Variants in CCT5 observed in about 807,000 individuals in gnomAD.
CCT5 encodes the protein T-complex protein 1 subunit epsilon.
Under a neutral mutation model 55.0 loss-of-function variants are expected in CCT5, and 6 were observed. That is an observed-to-expected ratio of 0.11 (90% CI 0.06 to 0.22). The LOEUF (loss-of-function observed/expected upper bound fraction) is 0.22. CCT5 is among the 10% of genes least tolerant of loss of function. The probability of loss-of-function intolerance (pLI) is 1.00; values close to 1 mark genes in which losing one functional copy is unlikely to be tolerated. For missense variants in CCT5, 560 were observed against 694.6 expected (o/e 0.81, Z 2.18); for synonymous variants, 231 against 243.7 (o/e 0.95, Z 0.49).
chr5:10,249,930 AAAAAC>A (rs201471332), upstream of CCT5: 24,075 of 749,600 alleles, frequency 0.032, 3,050 homozygotes, highest in East Asian at 0.055. Flanking sequence ...AAAAAAAAAA[AAAAAC>A]CGGAAATGGG....
intron 8 of CCT5, chr5:10,262,266 C>T (rs1579456946): frequency 5.3e-6 from 3 of 568,398 alleles, no homozygotes; most frequent in South Asian, 3.9e-5. Flanking sequence ...CTTGCTTGAC[C>T]GTGTATCCTA....
At chr5:10,257,299 C>T (rs1320241596) in intron 4 of CCT5, among the ~76,000 whole-genome samples, 1 of 152,164 alleles carries the variant, frequency 6.6e-6, no homozygotes, top group African/African-American at 2.4e-5. Flanking sequence ...AGAGTGAGTA[C>T]CCTAGGGGTA....
chr5:10,260,684 T>G (rs1053276190), intron 6 of CCT5, 108 bp from the exon 7 acceptor site: 176 of 1,174,140 alleles, frequency 1.5e-4, no homozygotes, highest in Admixed American at 6.8e-5. Context: ...CTTTTGTGTT[T>G]GAGTGCACCT....
chr5:10,262,733 G>A, intron 9 of CCT5, 115 bp downstream of exon 9: 1 of 1,105,148 alleles, frequency 9.0e-7, no homozygotes, highest in Non-Finnish European at 1.4e-6. Context: ...GCTGTGTGTA[G>A]GTGACAGGTG....
rs2607286 is a variant in CCT5, at chr5:10,265,350, G to A, written c.*567G>A. 0.74 allele frequency: 118,838 copies of A among 160,038 alleles called. 46,376 individuals carry two copies. Among genetic ancestry groups the A allele is most frequent in the East Asian group, 0.87 (4,751 of 5,476 alleles). The allele number at this position is 160,038 out of a possible 1,614,324, so 9.9% of individuals were successfully genotyped here. ...TGAGCCTTTGCTTTCCTCTGGCCCC[G>A]GCCCCACCCTGAACACAGCTCATAC... is the stretch of plus-strand genomic sequence containing the variant. On this transcript the variant is annotated 3_prime_UTR_variant, in exon 11 of 11. Coordinates refer to ENST00000280326, the MANE Select transcript of CCT5 (RefSeq NM_012073.5).
At chr5:10,253,194 A>G (rs1055952327) in intron 1 of CCT5, among the ~76,000 whole-genome samples, 5 of 152,082 alleles carry the variant, frequency 3.3e-5, no homozygotes, top group African/African-American at 1.2e-4. Context: ...GCAGGGCGTC[A>G]TGGCGCGTGC....
chr5:10,256,253 C>T lies in CCT5; in HGVS notation c.530+100C>T, dbSNP rs2578614. The T allele has an allele frequency of 0.81, 793,793 of 974,750 alleles. 329,153 individuals carry two copies. The highest frequency in any genetic ancestry group is 0.89 in the East Asian group (34,240 of 38,468). 60.4% of individuals were successfully genotyped at this position (974,750 alleles called of 1,614,324 possible). A position where few individuals can be genotyped will look rare whatever the true frequency, so the allele number is the denominator to read the frequency against. On this transcript the variant is annotated intron_variant, in intron 4 of 10. Transcript: ENST00000280326. ...AAAATGACCACTGGTGGATTTGTATCGATTTGATTATTTGTTTTGATTACT... is the reference window on the plus strand; with the variant it reads ...AAAATGACCACTGGTGGATTTGTATTGATTTGATTATTTGTTTTGATTACT...
rs751264848 is a variant in CCT5 at position 10,250,308 on chromosome 5, C to T, written c.-33C>T. The T allele has an allele frequency of 3.1e-6, 5 of 1,613,600 alleles. No individual in the cohort carries two copies. Among genetic ancestry groups the T allele is most frequent in the East Asian group, 2.2e-5 (1 of 44,892 alleles). On this transcript the variant is annotated 5_prime_UTR_variant, in exon 1 of 11. Transcript: ENST00000280326. The stretch of plus-strand genomic sequence containing the variant: ...TTCTCGCTTCCGTAGCGGTCTCCGC[C>T]GGTTGGGGGGAAGTAATTCCGGTTG...
Position 10,266,274 on chromosome 5 carries a change from C to T in CCT5, c.*1491C>T, listed in dbSNP as rs1746230720. 6.6e-6 allele frequency: 1 copy of T among 152,190 alleles called. No homozygotes were observed. The allele number at this position is 152,190 out of a possible 1,614,324, so 9.4% of individuals were successfully genotyped here. Reference sequence around the variant, plus strand: ...TCCCCCTTTCCAAAATTGAACCTCACAGACGTTCCTGTTTTTTGTGATTGA... The same window carrying T: ...TCCCCCTTTCCAAAATTGAACCTCATAGACGTTCCTGTTTTTTGTGATTGA... On this transcript the variant is annotated 3_prime_UTR_variant, in exon 11 of 11. Coordinates refer to ENST00000280326, the MANE Select transcript of CCT5 (RefSeq NM_012073.5).
At chr5:10,259,788 C>T (rs762447126) in intron 6 of CCT5, among the ~76,000 whole-genome samples, 2 of 152,198 alleles carry the variant, frequency 1.3e-5, no homozygotes, top group Non-Finnish European at 2.9e-5. Context: ...CTCAGCTGTG[C>T]TGGGGGGCCA....
At chr5:10,262,437 C>G in intron 8 of CCT5, 44 bp from the exon 9 acceptor site, 1 of 1,611,338 alleles carries the variant, frequency 6.2e-7, no homozygotes, top group South Asian at 1.1e-5. Flanking sequence ...TCTAAATTGA[C>G]TAGATCTTGA....
chr5:10,261,378 C>T (rs1391449697), intron 7 of CCT5, among the ~76,000 whole-genome samples, 182 bp from the exon 8 acceptor site: 1 of 152,170 alleles, frequency 6.6e-6, no homozygotes, highest in Non-Finnish European at 1.5e-5. Context: ...AGACGTCCAG[C>T]TCAAGAGCCT....
At chr5:10,259,016 G>T (rs996887136) in intron 6 of CCT5, among the ~76,000 whole-genome samples, 4 of 152,104 alleles carry the variant, frequency 2.6e-5, no homozygotes, top group Admixed American at 6.6e-5. Flanking sequence ...GTGTGTTCAG[G>T]GTCCTGAAAG....
chr5:10,264,798 C>T lies in CCT5; in HGVS notation c.*15C>T, dbSNP rs1194606753. 4.3e-6 allele frequency: 7 copies of T among 1,611,376 alleles called. No homozygotes were observed. Among genetic ancestry groups the T allele is most frequent in the Non-Finnish European group, 8.5e-7 (1 of 1,177,578 alleles). On this transcript the variant is annotated 3_prime_UTR_variant, in exon 11 of 11. Transcript: ENST00000280326. ...CTGAAGAATGAAGACATTGAGAAAA[C>T]TATGTAGCAAGATCCACTTCTGTGA...
chr5:10,253,673 C>T (rs1051217479), intron 1 of CCT5, among the ~76,000 whole-genome samples: 58 of 152,198 alleles, frequency 3.8e-4, no homozygotes, highest in African/African-American at 1.4e-3. Flanking sequence ...CGCAGATGTA[C>T]AAGCCTAGAT....
rs1745335666 is a variant in CCT5, at chr5:10,250,593, G to T, written c.105+148G>T. The stretch of plus-strand genomic sequence containing the variant: ...TCTCCCTGCGGTCTCCGGCCGCTCA[G>T]CCCGCTTACTGAGCTCGGGAGACGC... On this transcript the variant is annotated intron_variant, in intron 1 of 10. Transcript: ENST00000280326. 1.0e-5 allele frequency: 15 copies of T among 1,476,032 alleles called. 1 individual carries two copies. The South Asian group carries it at 1.9e-4, about 18-fold the overall frequency. The allele number at this position is 1,476,032 out of a possible 1,614,324, so 91.4% of individuals were successfully genotyped here.
intron 4 of CCT5, among the ~76,000 whole-genome samples, chr5:10,257,320 A>G (rs1462532395): frequency 1.3e-5 from 2 of 152,230 alleles, no homozygotes; most frequent in Non-Finnish European, 2.9e-5. Flanking sequence ...GCCTCTTGTC[A>G]CAAGTATAAC....
upstream of CCT5, chr5:10,249,925 A>AAC (rs1745267149): frequency 3.9e-6 from 4 of 1,027,750 alleles, no homozygotes; most frequent in Non-Finnish European, 3.7e-6. Context: ...AAAAAAAAAA[A>AAC]AAAAAAAAAC....
At chr5:10,257,200 A>C (rs1037654459) in intron 4 of CCT5, among the ~76,000 whole-genome samples, 4 of 152,208 alleles carry the variant, frequency 2.6e-5, no homozygotes, top group African/African-American at 9.6e-5. Flanking sequence ...TTTTCCCCTG[A>C]GCAAAGCCTA....
Sources: allele counts gnomAD v4.1 joint callset (sites outside exome capture counted in the v4.1 genomes callset), GRCh38; gene constraint gnomAD v4.1.1; transcripts MANE v1.5; gene names NCBI Gene and HGNC (gene_info 2026-07-23, HGNC 2026-07-21).